Variants in WSCD2 observed in about 807,000 individuals in gnomAD.
WSCD2 encodes WSC domain sialate O sulfotransferase 2, also known as sialate:O-sulfotransferase 2.
In WSCD2, 28 loss-of-function variants were observed where a neutral mutation model predicts 55.7. The observed-to-expected ratio is 0.50, with a 90% CI of 0.37 to 0.69. The LOEUF (loss-of-function observed/expected upper bound fraction) is 0.69, where lower values mean the gene tolerates loss of function less well. Among genes scored for constraint, WSCD2 ranks in the 30% least tolerant of loss-of-function variants. The pLI is 0.00. For synonymous variants in WSCD2, 301 were observed against 301.9 expected (o/e 1.00, Z 0.03); for missense variants, 616 against 762.1 (o/e 0.81, Z 2.26).
chr12:108,220,475 C>G (rs2137143811), intron 4 of WSCD2, among the ~76,000 whole-genome samples: 1 of 152,320 alleles, frequency 6.6e-6, no homozygotes, highest in South Asian at 2.1e-4. Flanking sequence ...ACAGCTCAGC[C>G]TACTTCCCAT....
chr12:108,244,173 T>G lies in WSCD2; in HGVS notation c.1345+3629T>G, dbSNP rs543447358. On this transcript the variant is annotated intron_variant, in intron 8 of 8. Coordinates refer to ENST00000547525, the MANE Select transcript of WSCD2 (RefSeq NM_014653.4). The stretch of plus-strand genomic sequence containing the variant: ...AGGCACACCTGTATGACAGTTCCGG[T>G]GGAACCAGAACTCATTACCAATGTT... Among the ~76,000 whole-genome samples the G allele has an allele frequency of 2.0e-5, 3 of 152,272 alleles. No homozygotes were observed. In the South Asian group the frequency reaches 6.2e-4, roughly 32 times the overall value.
chr12:108,208,186 C>T (rs911611574), intron 3 of WSCD2, among the ~76,000 whole-genome samples: 2 of 152,182 alleles, frequency 1.3e-5, no homozygotes, highest in Non-Finnish European at 2.9e-5. Context: ...AGGGGGGCTT[C>T]CCATCTGGTT....
intron 2 of WSCD2, among the ~76,000 whole-genome samples, chr12:108,205,335 T>C (rs1176394094): frequency 6.6e-6 from 1 of 152,152 alleles, no homozygotes; most frequent in African/African-American, 2.4e-5. Context: ...TCTCATAGGA[T>C]CGCTGTAAGG....
chr12:108,152,008 G>A (rs537140429), intron 1 of WSCD2, among the ~76,000 whole-genome samples: 11 of 152,254 alleles, frequency 7.2e-5, no homozygotes, highest in Admixed American at 2.6e-4. Flanking sequence ...TTCCAAGGGC[G>A]GCGTCGCTGC....
At chr12:108,176,899 G>A (rs184539523) in intron 1 of WSCD2, among the ~76,000 whole-genome samples, 71 of 152,228 alleles carry the variant, frequency 4.7e-4, no homozygotes, top group Middle Eastern at 3.4e-3. Flanking sequence ...AACAGCCCAC[G>A]TGAAAGCGAT....
At chr12:108,145,339 T>C (rs1357979515) in intron 1 of WSCD2, among the ~76,000 whole-genome samples, 1 of 152,248 alleles carries the variant, frequency 6.6e-6, no homozygotes, top group Non-Finnish European at 1.5e-5. Flanking sequence ...CTTAAGGCTT[T>C]GTGATTACAG....
chr12:108,148,108 A>C (rs964207905), intron 1 of WSCD2, among the ~76,000 whole-genome samples: 15 of 152,006 alleles, frequency 9.9e-5, no homozygotes, highest in Non-Finnish European at 1.0e-4. Flanking sequence ...GGCTTTATTG[A>C]CATTTTGAGC....
intron 1 of WSCD2, among the ~76,000 whole-genome samples, chr12:108,173,666 T>A (rs1442145543): frequency 6.6e-6 from 1 of 152,088 alleles, no homozygotes; most frequent in Non-Finnish European, 1.5e-5. Context: ...GGGGTCAGCA[T>A]CCTTCTGACT....
intron 4 of WSCD2, among the ~76,000 whole-genome samples, chr12:108,211,715 G>A (rs997981818): frequency 1.9e-4 from 28 of 150,268 alleles, no homozygotes; most frequent in African/African-American, 5.9e-4. Flanking sequence ...GTGCAATGGT[G>A]TGATCTTGGC....
chr12:108,136,248 A>G (rs1044412050), intron 1 of WSCD2, among the ~76,000 whole-genome samples: 2 of 151,276 alleles, frequency 1.3e-5, no homozygotes, highest in Non-Finnish European at 2.9e-5. Flanking sequence ...GCAGGTGACA[A>G]TGGTCCTGGG....
intron 3 of WSCD2, among the ~76,000 whole-genome samples, chr12:108,207,387 T>G (rs1333610030): frequency 6.6e-6 from 1 of 152,012 alleles, no homozygotes; most frequent in Non-Finnish European, 1.5e-5. Flanking sequence ...TTTATTTTTT[T>G]GAGACAGAGT....
At chr12:108,153,316 C>G (rs372600556) in intron 1 of WSCD2, among the ~76,000 whole-genome samples, 1 of 152,328 alleles carries the variant, frequency 6.6e-6, no homozygotes, top group East Asian at 1.9e-4. Flanking sequence ...TAAATAAAAC[C>G]TGTGCTCTGT....
intron 1 of WSCD2, among the ~76,000 whole-genome samples, chr12:108,163,286 A>G (rs2136945501): frequency 6.6e-6 from 1 of 152,202 alleles, no homozygotes; most frequent in Non-Finnish European, 1.5e-5. Context: ...GGAGAATGGC[A>G]TGAACCTGGG....
chr12:108,199,013 C>T (rs1185159792), intron 2 of WSCD2, among the ~76,000 whole-genome samples: 8 of 152,274 alleles, frequency 5.3e-5, no homozygotes, highest in Admixed American at 2.0e-4. Flanking sequence ...CCATGCCTTA[C>T]CCAGCAATCT....
intron 2 of WSCD2, among the ~76,000 whole-genome samples, chr12:108,204,179 A>G (rs2137077157): frequency 6.6e-6 from 1 of 152,320 alleles, no homozygotes; most frequent in African/African-American, 2.4e-5. Context: ...AGCACGTAGT[A>G]GGTGTTCAAT....
chr12:108,139,474 C>T (rs1876559280), intron 1 of WSCD2, among the ~76,000 whole-genome samples: 1 of 152,150 alleles, frequency 6.6e-6, no homozygotes, highest in Admixed American at 6.5e-5. Flanking sequence ...CAGAGTAGTA[C>T]ATGCTGCAAA....
chr12:108,197,337 G>A (rs910537114), intron 2 of WSCD2, among the ~76,000 whole-genome samples: 1 of 152,188 alleles, frequency 6.6e-6, no homozygotes, highest in Non-Finnish European at 1.5e-5. Flanking sequence ...GAACCATCTA[G>A]AAGACTCTAT....
chr12:108,239,445 G>C (rs1342303456), intron 7 of WSCD2, among the ~76,000 whole-genome samples: 4 of 152,158 alleles, frequency 2.6e-5, no homozygotes, highest in Admixed American at 6.5e-5. Flanking sequence ...CTATGTGTCT[G>C]TCATCATCTG....
intron 1 of WSCD2, among the ~76,000 whole-genome samples, chr12:108,178,461 C>T (rs181136838): frequency 2.0e-5 from 3 of 152,332 alleles, no homozygotes; most frequent in African/African-American, 7.2e-5. Context: ...AATCATGACA[C>T]GATTGTTCCT....
Sources: gnomAD v4.1 joint callset for allele counts (sites outside exome capture counted in the v4.1 genomes callset) on GRCh38, gnomAD v4.1.1 for gene constraint, MANE v1.5 for transcripts, NCBI Gene and HGNC (gene_info 2026-07-23, HGNC 2026-07-21) for gene names.